Variants in OTOF observed in about 807,000 individuals in gnomAD.
OTOF encodes fer-1-like family member 2.
Under a neutral mutation model 236.8 loss-of-function variants are expected in OTOF, and 218 were observed. The observed-to-expected ratio is 0.92, with a 90% confidence interval of 0.82 to 1.03. The LOEUF is 1.03. OTOF is among the 50% of genes least tolerant of loss of function. OTOF has a pLI of 0.00. For missense variants in OTOF, 2,590 were observed against 2,694.4 expected, an observed-to-expected ratio of 0.96 and a Z score of 0.86; for synonymous variants, 1,041 against 1,072.5, an observed-to-expected ratio of 0.97 and a Z score of 0.57.
At chr2:26,525,033 C>T (rs1666767434) in intron 3 of OTOF, among the ~76,000 whole-genome samples, 1 of 152,144 alleles carries the variant, frequency 6.6e-6, no homozygotes, top group Admixed American at 6.5e-5. Context: ...TTCTCCTGTC[C>T]TCATAGGTCA....
rs577451909 is a variant in OTOF at position 26,532,464 on chromosome 2, G to T, written c.139-4544C>A. 2.6e-5 allele frequency among the ~76,000 whole-genome samples: 4 copies of T among 152,330 alleles called. No homozygotes were observed. In the East Asian group the frequency reaches 5.8e-4, roughly 22 times the overall value. On this transcript the variant is annotated intron_variant, in intron 2 of 46. Transcript: ENST00000272371. ...CGAGCCAGCAAGCCCCATGCTGGGG[G>T]CGAACATTTGCTGAGCACTTGCTGT...
Position 26,489,224 on chromosome 2 carries a change from C to T in OTOF, c.1032G>A (p.Val344=), listed in dbSNP as rs149018719. Residue 344 remains valine, a synonymous_variant, in exon 11 of 47, where the codon GTG becomes GTA. Coordinates refer to ENST00000272371, the MANE Select transcript of OTOF (RefSeq NM_194248.3). ...GCAGGTACTCACCTGGCTGCGAGTA[C>T]ACGGTTCCCACGTCCATTTTGAAGG... The part of the protein sequence containing the change: ...VGSFKMDVGT[V]YSQPEHQFHH... The T allele has an allele frequency of 5.6e-6, 9 of 1,612,110 alleles. No individual in the cohort carries two copies. The African/African-American group carries it at 6.7e-5, about 12-fold the overall frequency.
Position 26,475,394 on chromosome 2 carries a change from T to C in OTOF, c.3091A>G (p.Ile1031Val), listed in dbSNP as rs113433719. The C allele has an allele frequency of 8.1e-6, 13 of 1,613,160 alleles. No individual in the cohort carries two copies. The highest frequency in any genetic ancestry group is 1.7e-5 in the Admixed American group (1 of 60,018). ...TGGTCATAGATTTCAATGACAATGATGGGCGGATCGTCCCTCAGCTCATGA... is the reference window on the plus strand; with the variant it reads ...TGGTCATAGATTTCAATGACAATGACGGGCGGATCGTCCCTCAGCTCATGA... ...EAHELRDDPP[I>V]IVIEIYDQDS... The change falls in exon 25 of 47, where the codon ATC becomes GTC. Residue 1031 changes from isoleucine (I) to valine (V), a missense_variant. Ile to Val is a conservative substitution (Grantham distance 29, BLOSUM62 3). This residue lies in a region of OTOF where 1,211 missense variants were observed against 1,352.8 expected (regional missense o/e 0.90). Coordinates refer to ENST00000272371, the MANE Select transcript of OTOF (RefSeq NM_194248.3).
Position 26,521,675 on chromosome 2 carries a change from A to G in OTOF, c.228-2566T>C, listed in dbSNP as rs1440363575. Among the ~76,000 whole-genome samples, 5 of 152,158 alleles carry G rather than the reference A, an allele frequency of 3.3e-5. No individual in the cohort carries two copies. The East Asian group carries it at 7.7e-4, about 24-fold the overall frequency. ...AGATTGGCCTCCAGGCAAATCCCCT[A>G]CTCTTCCTACCCTGGTCCAAGCCCT... is the stretch of plus-strand genomic sequence containing the variant. On this transcript the variant is annotated intron_variant, in intron 3 of 46. Transcript: ENST00000272371.
At chr2:26,529,537 G>T (rs1223665974) in intron 2 of OTOF, among the ~76,000 whole-genome samples, 3 of 152,130 alleles carry the variant, frequency 2.0e-5, no homozygotes, top group Non-Finnish European at 4.4e-5. Context: ...CTCTGTTGCT[G>T]GCTGAGCAGG....
rs886968047 is a variant in OTOF at position 26,558,386 on chromosome 2, C to G, written c.79+107G>C. On this transcript the variant is annotated intron_variant, in intron 1 of 46. Transcript: ENST00000272371. ...CTCGTCGCCCCAGCCCCTGCTAGAA[C>G]TTTTCCCACCCATCCTCCCAGCCCT... 2.5e-5 allele frequency: 25 copies of G among 1,009,362 alleles called. No homozygotes were observed. In the East Asian group the frequency reaches 5.8e-4, roughly 23 times the overall value. The allele number at this position is 1,009,362 out of a possible 1,614,324, so 62.5% of individuals were successfully genotyped here.
In OTOF at chr2:26,547,494, T is replaced by C. The variant is rs542683035; in HGVS notation, c.80-9720A>G. On this transcript the variant is annotated intron_variant, in intron 1 of 46. Transcript: ENST00000272371. ...GAATTGAGATGTGCTCTTCCTTCTC[T>C]ATTTTCTGAAAGAGTTTGTGTAAGA... Among the ~76,000 whole-genome samples, 13 of 152,360 alleles carry C rather than the reference T, an allele frequency of 8.5e-5. No individual in the cohort carries two copies. In the South Asian group the frequency reaches 2.7e-3, roughly 32 times the overall value.
Position 26,473,405 on chromosome 2 carries a change from C to A in OTOF, c.3570+1G>T. The A allele has an allele frequency of 6.2e-7, 1 of 1,613,392 alleles. No homozygotes were observed. The highest frequency in any genetic ancestry group is 8.5e-7 in the Non-Finnish European group (1 of 1,180,006). ...TGTCCTCCGCCAGGGCCTGCACTCA[C>A]CACTTCAAACCACTTGACGAGGGTG... On this transcript the variant is annotated splice_donor_variant, in intron 28 of 46. Transcript: ENST00000272371. LOFTEE classifies it high-confidence loss of function. This position sits in a 1 kb window ranked among gnomAD's most constrained non-coding sequence, Gnocchi z 7.2.
Position 26,461,705 on chromosome 2 carries a change from C to T in OTOF, c.5524G>A (p.Asp1842Asn), listed in dbSNP as rs1405714912. The part of the protein sequence containing the change: ...IWDADHFSAD[D>N]FLGAIELDLN... ...CTGCCCTGCTCTGCACCCAGGAAGT[C>T]GTCAGCGGAGAAGTGGTCCGCATCC... is the stretch of plus-strand genomic sequence containing the variant. Residue 1842 changes from aspartate (D) to asparagine (N), a missense_variant, in exon 43 of 47, where the codon GAC becomes AAC. By Grantham distance (23) the Asp-to-Asn change is conservative. This residue lies in a region of OTOF where 1,211 missense variants were observed against 1,352.8 expected (regional missense o/e 0.90). Coordinates refer to ENST00000272371, the MANE Select transcript of OTOF (RefSeq NM_194248.3). This position sits in a 1 kb window ranked among gnomAD's most constrained non-coding sequence, Gnocchi z 6.2. 7 of 1,613,992 alleles carry T rather than the reference C, an allele frequency of 4.3e-6. No homozygotes were observed. The highest frequency in any genetic ancestry group is 1.7e-5 in the Admixed American group (1 of 60,024).
At chr2:26,480,128 C>T (rs994065747) in intron 16 of OTOF, 75 bp downstream of exon 16, 7 of 855,224 alleles carry the variant, frequency 8.2e-6, no homozygotes, top group Non-Finnish European at 1.4e-5. Context: ...CACTTACCAC[C>T]TGCAGCCTAG....
intron 5 of OTOF, among the ~76,000 whole-genome samples, chr2:26,508,200 C>G (rs954491889): frequency 2.6e-5 from 4 of 152,200 alleles, no homozygotes; most frequent in African/African-American, 9.7e-5. Context: ...ATAAAGACTC[C>G]TGTCTATGAG....
At chr2:26,495,119 T>G in intron 8 of OTOF, 46 bp from the exon 9 acceptor site, 3 of 1,611,904 alleles carry the variant, frequency 1.9e-6, no homozygotes, top group Non-Finnish European at 2.5e-6. Flanking sequence ...TGCCTGAGCC[T>G]AGGAGCCTGG....
Position 26,470,606 on chromosome 2 carries a change from T to A in OTOF, c.4010A>T (p.Asp1337Val), listed in dbSNP as rs1333360471. 6.2e-7 allele frequency: 1 copy of A among 1,614,050 alleles called. No individual in the cohort carries two copies. The highest frequency in any genetic ancestry group is 8.5e-7 in the Non-Finnish European group (1 of 1,180,000). The change falls in exon 32 of 47, where the codon GAC becomes GTC. Residue 1337 changes from aspartate (D) to valine (V), a missense_variant. This residue lies in a region of OTOF where 1,211 missense variants were observed against 1,352.8 expected (regional missense o/e 0.90). Coordinates refer to ENST00000272371, the MANE Select transcript of OTOF (RefSeq NM_194248.3). The surrounding 1 kb of genome is among the most constrained non-coding windows in gnomAD (Gnocchi z 4.3). Reference protein sequence around the residue: ...DWWSKYFASIDTMKEQLRQQE... With the variant: ...DWWSKYFASIVTMKEQLRQQE... ...CCGAGGTCTCACCTCCTTCATGGTG[T>A]CAATGGAGGCAAAGTACTTGGACCA...
intron 46 of OTOF, 38 bp from the exon 47 acceptor site, chr2:26,458,258 C>T (rs371610237): frequency 9.7e-6 from 15 of 1,548,778 alleles, no homozygotes; most frequent in South Asian, 1.2e-5. Context: ...AGCCAGTGGG[C>T]AGGAGCTGCC....
At chr2:26,523,709 G>T (rs1319377613) in intron 3 of OTOF, among the ~76,000 whole-genome samples, 1 of 152,210 alleles carries the variant, frequency 6.6e-6, no homozygotes, top group Non-Finnish European at 1.5e-5. Flanking sequence ...AAAATAATCA[G>T]GAGCCTGCCA....
At position 26,458,054 on chromosome 2, in the gene OTOF, G is replaced by A; in HGVS notation, c.*184C>T. 1 of 1,613,804 alleles carries A rather than the reference G, an allele frequency of 6.2e-7. No homozygotes were observed. Among genetic ancestry groups the A allele is most frequent in the African/African-American group, 1.3e-5 (1 of 75,052 alleles). On this transcript the variant is annotated 3_prime_UTR_variant, in exon 47 of 47. Transcript: ENST00000272371. ...GCTGGCGGCCTTCATGCCCCAAGGA[G>A]CTTTTTGACCATGTAGCCAGGGAGG...
intron 9 of OTOF, among the ~76,000 whole-genome samples, chr2:26,492,566 C>T (rs1025187391): frequency 2.0e-5 from 3 of 152,188 alleles, no homozygotes; most frequent in South Asian, 2.1e-4. Context: ...TCCTTCATCT[C>T]GGCAGCCTCC....
chr2:26,467,011 G>A (rs1412217314), intron 35 of OTOF, 88 bp downstream of exon 35: 19 of 1,575,524 alleles, frequency 1.2e-5, no homozygotes, highest in Admixed American at 3.3e-5. Context: ...GGCAGTGGCC[G>A]GGGCAGTGGT....
intron 5 of OTOF, among the ~76,000 whole-genome samples, chr2:26,512,853 C>T (rs1289610351): frequency 6.6e-6 from 1 of 152,144 alleles, no homozygotes; most frequent in East Asian, 1.9e-4. Flanking sequence ...GTGGATGACT[C>T]GCAGGTGCAC....
Sources: allele counts gnomAD v4.1 joint callset (sites outside exome capture counted in the v4.1 genomes callset), GRCh38; gene constraint gnomAD v4.1.1; regional missense constraint gnomAD v4.1.1; non-coding constraint Gnocchi (gnomAD v3.1); transcripts MANE v1.5; gene names NCBI Gene and HGNC (gene_info 2026-07-23, HGNC 2026-07-21).